The following NEIL3 variants were observed in gnomAD, a reference collection of about 807,000 sequenced individuals.
NEIL3 encodes nei like DNA glycosylase 3, also known as endonuclease 8-like 3.
In NEIL3, 48 loss-of-function variants were observed where a neutral mutation model predicts 57.5. The observed-to-expected ratio is 0.83, with a 90% CI of 0.66 to 1.06. NEIL3 has a LOEUF of 1.06. Among genes scored for constraint, NEIL3 ranks in the 50% least tolerant of loss-of-function variants. The pLI, the probability that NEIL3 is intolerant of heterozygous loss-of-function variation, is 0.00. For missense variants in NEIL3, 717 were observed against 739.1 expected, an observed-to-expected ratio of 0.97 and a Z score of 0.35; for synonymous variants, 261 against 253.2, an observed-to-expected ratio of 1.03 and a Z score of -0.29.
intron 3 of NEIL3, 26 bp from the exon 4 acceptor site, chr4:177,336,082 A>T: frequency 1.3e-6 from 2 of 1,527,592 alleles, no homozygotes; most frequent in African/African-American, 1.4e-5. Context: ...ACTTATGATT[A>T]ATGTGTTTTA....
chr4:177,333,700 A>G (rs1734923584), intron 2 of NEIL3, among the ~76,000 whole-genome samples: 1 of 152,176 alleles, frequency 6.6e-6, no homozygotes, highest in Non-Finnish European at 1.5e-5. Flanking sequence ...TGGTGCTCAC[A>G]TCGGGAATCA....
rs11368079 is a variant in NEIL3, at chr4:177,345,464, C to CTTT, written c.869+3832_869+3834dup. Among the ~76,000 whole-genome samples the CTTT allele has an allele frequency of 2.5e-3, 352 of 139,348 alleles. 1 individual carries two copies. The highest frequency in any genetic ancestry group is 8.5e-3 in the African/African-American group (313 of 36,968). The allele number at this position is 139,348 out of a possible 152,430, so 91.4% of individuals were successfully genotyped here. A position where few individuals can be genotyped will look rare whatever the true frequency, so the allele number is the denominator to read the frequency against. Reference sequence around the variant, plus strand: ...ATTTAGTGCTGTCTGCAAACCAACTCTTTTTTTTTTTTATTATTATTATAC... The same window carrying CTTT: ...ATTTAGTGCTGTCTGCAAACCAACTCTTTTTTTTTTTTTTTATTATTATTATAC... On this transcript the variant is annotated intron_variant, in intron 6 of 9. Coordinates refer to ENST00000264596, the MANE Select transcript of NEIL3 (RefSeq NM_018248.3).
chr4:177,329,206 T>C (rs910562741), intron 2 of NEIL3, among the ~76,000 whole-genome samples: 27 of 151,962 alleles, frequency 1.8e-4, no homozygotes, highest in Non-Finnish European at 5.9e-5. Context: ...AAAGAACAGA[T>C]GGAACAAATA....
intron 8 of NEIL3, among the ~76,000 whole-genome samples, chr4:177,356,462 C>T (rs975404293): frequency 6.6e-6 from 1 of 152,118 alleles, no homozygotes; most frequent in Non-Finnish European, 1.5e-5. Flanking sequence ...ACCCAGCAGC[C>T]CTTCTGCACC....
At chr4:177,358,227 G>A (rs1048021802) in intron 8 of NEIL3, among the ~76,000 whole-genome samples, 1 of 152,206 alleles carries the variant, frequency 6.6e-6, no homozygotes, top group African/African-American at 2.4e-5. Context: ...AGCTCCGGGT[G>A]ATGCTGCTGC....
chr4:177,360,475 G>A, intron 8 of NEIL3, 28 bp from the exon 9 acceptor site: 5 of 1,596,872 alleles, frequency 3.1e-6, no homozygotes, highest in Non-Finnish European at 3.4e-6. Flanking sequence ...CTCCTATGCT[G>A]TACTTATTTT....
chr4:177,320,699 C>T (rs978500065), intron 1 of NEIL3, among the ~76,000 whole-genome samples: 1 of 151,240 alleles, frequency 6.6e-6, no homozygotes, highest in African/African-American at 2.4e-5. Context: ...GATCTCCTGA[C>T]CTCGTGATCC....
rs10013040 is a variant in NEIL3 at position 177,309,998 on chromosome 4, C to T, written c.45C>T (p.Arg15=). Residue 15 remains arginine, a synonymous_variant, in exon 1 of 10, where the codon CGC becomes CGT. Coordinates refer to ENST00000264596, the MANE Select transcript of NEIL3 (RefSeq NM_018248.3). ...GTACTCTGAATGGAGAGAAGATTCG[C>T]GCGCGGGTGCTCCCGGGCCAGGCGG... The part of the protein sequence containing the change: ...PGCTLNGEKI[R]ARVLPGQAVT... 1 of 1,610,032 alleles carries T rather than the reference C, an allele frequency of 6.2e-7. No individual in the cohort carries two copies. The highest frequency in any genetic ancestry group is 1.3e-5 in the African/African-American group (1 of 74,812).
chr4:177,312,886 A>G (rs1464150704), intron 1 of NEIL3, among the ~76,000 whole-genome samples: 2 of 152,150 alleles, frequency 1.3e-5, no homozygotes, highest in Admixed American at 6.5e-5. Context: ...CATAATTATA[A>G]CCTTTTGTAA....
At position 177,311,750 on chromosome 4, in the gene NEIL3, A is replaced by G. The variant is rs1351553877; in HGVS notation, c.156+1641A>G. Among the ~76,000 whole-genome samples the G allele has an allele frequency of 2.6e-5, 4 of 151,966 alleles. No individual in the cohort carries two copies. The South Asian group carries it at 6.2e-4, about 24-fold the overall frequency. On this transcript the variant is annotated intron_variant, in intron 1 of 9. Transcript: ENST00000264596. ...TGCAGCTCAGGGATTGGAACAGGAA[A>G]AAGACTGAAAGAAAGCCAGAGTAGA...
chr4:177,335,663 C>A (rs374823506), intron 2 of NEIL3, 25 bp from the exon 3 acceptor site: 10 of 1,603,920 alleles, frequency 6.2e-6, no homozygotes, highest in Non-Finnish European at 7.7e-6. Context: ...TTCTGCCACT[C>A]AAAAATGGTT....
rs1735400418 is a variant in NEIL3 at position 177,353,334 on chromosome 4, T to G, written c.1066T>G (p.Ser356Ala). 5.0e-6 allele frequency: 8 copies of G among 1,612,698 alleles called. No homozygotes were observed. Among genetic ancestry groups the G allele is most frequent in the Non-Finnish European group, 6.8e-6 (8 of 1,179,704 alleles). ...IDSVLKSEENSTVFSHLMKYP... is the reference protein window; with the variant it reads ...IDSVLKSEENATVFSHLMKYP... ...TTCAGTGCTCAAGAGTGAAGAAAATTCTACTGTCTTTAGCCACTTAATGAA... is the reference window on the plus strand; with the variant it reads ...TTCAGTGCTCAAGAGTGAAGAAAATGCTACTGTCTTTAGCCACTTAATGAA... Residue 356 changes from serine to alanine, a missense_variant, in exon 8 of 10, where the codon TCT (serine) becomes GCT (alanine). By Grantham distance (99) the Ser-to-Ala change is moderately conservative. Transcript: ENST00000264596.
At chr4:177,363,875 C>CAAGT (rs1345543573), downstream of NEIL3, among the ~76,000 whole-genome samples, 1 of 152,114 alleles carries the variant, frequency 6.6e-6, no homozygotes, top group Non-Finnish European at 1.5e-5. Context: ...CTCAGCCTCC[C>CAAGT]AAGTAGCTGG....
chr4:177,330,915 G>A (rs1578993166), intron 2 of NEIL3, among the ~76,000 whole-genome samples: 1 of 152,096 alleles, frequency 6.6e-6, no homozygotes, highest in South Asian at 2.1e-4. Context: ...GTGGGTAGTG[G>A]CTGCCATATT....
intron 6 of NEIL3, among the ~76,000 whole-genome samples, chr4:177,342,138 T>G (rs143492912): frequency 6.6e-6 from 1 of 152,340 alleles, no homozygotes; most frequent in African/African-American, 2.4e-5. Flanking sequence ...AACCGCAGGA[T>G]AGGTTTGAGG....
intron 1 of NEIL3, among the ~76,000 whole-genome samples, chr4:177,315,299 A>T (rs1341941872): frequency 6.6e-6 from 1 of 152,148 alleles, no homozygotes; most frequent in Non-Finnish European, 1.5e-5. Context: ...ACAATAAATC[A>T]TGTGCTGTCT....
At chr4:177,330,118 C>T (rs1312892494) in intron 2 of NEIL3, among the ~76,000 whole-genome samples, 1 of 152,114 alleles carries the variant, frequency 6.6e-6, no homozygotes, top group Non-Finnish European at 1.5e-5. Context: ...CACCACGTTG[C>T]CCAGGCTGGT....
chr4:177,344,857 C>T (rs532397042), intron 6 of NEIL3, among the ~76,000 whole-genome samples: 7 of 152,048 alleles, frequency 4.6e-5, no homozygotes, highest in South Asian at 2.1e-4. Flanking sequence ...CCACCGTGTC[C>T]GGCTTATTGT....
At chr4:177,351,697 G>A in intron 7 of NEIL3, 148 bp downstream of exon 7, 2 of 643,940 alleles carry the variant, frequency 3.1e-6, no homozygotes, top group Non-Finnish European at 2.7e-6. Flanking sequence ...GTTTTCACAT[G>A]TAAACCATGC....
Sources: allele counts gnomAD v4.1 joint callset (sites outside exome capture counted in the v4.1 genomes callset), GRCh38; gene constraint gnomAD v4.1.1; transcripts MANE v1.5; gene names NCBI Gene and HGNC (gene_info 2026-07-23, HGNC 2026-07-21).